Variants in ASXL3 observed in about 807,000 individuals in gnomAD.
ASXL3 encodes the protein putative Polycomb group protein ASXL3.
A neutral mutation model predicts 170.6 loss-of-function variants in ASXL3; 34 were observed. The observed-to-expected ratio is 0.20, with a 90% CI of 0.15 to 0.27. The LOEUF is 0.27. ASXL3 is among the 10% of genes least tolerant of loss of function. The pLI is 1.00. For synonymous variants in ASXL3, 1,002 were observed against 989.1 expected (o/e 1.01, Z -0.24); for missense variants, 2,592 against 2,695.3 (o/e 0.96, Z 0.85).
chr18:33,639,910 A>G (rs1011300646), intron 2 of ASXL3, among the ~76,000 whole-genome samples: 1 of 152,138 alleles, frequency 6.6e-6, no homozygotes, highest in Non-Finnish European at 1.5e-5. Flanking sequence ...TTTGATAAAT[A>G]TTTTTTGTCT....
chr18:33,586,355 C>G (rs901942496), intron 1 of ASXL3, among the ~76,000 whole-genome samples: 7 of 151,956 alleles, frequency 4.6e-5, no homozygotes, highest in Admixed American at 4.6e-4. Context: ...AATGTGCACA[C>G]AACAAATAAA....
intron 1 of ASXL3, among the ~76,000 whole-genome samples, chr18:33,588,233 A>G (rs2065050054): frequency 6.6e-6 from 1 of 152,150 alleles, no homozygotes; most frequent in Non-Finnish European, 1.5e-5. Context: ...ATACAAGAAC[A>G]ATGGGGAAAG....
At chr18:33,661,780 A>T in intron 5 of ASXL3, 43 bp downstream of exon 5, 5 of 1,584,690 alleles carry the variant, frequency 3.2e-6, no homozygotes, top group Non-Finnish European at 4.3e-6. Flanking sequence ...AGTTCTGCAT[A>T]CTTAAGGTAA....
At chr18:33,697,033 A>G (rs1410427934) in intron 8 of ASXL3, among the ~76,000 whole-genome samples, 1 of 152,118 alleles carries the variant, frequency 6.6e-6, no homozygotes, top group Non-Finnish European at 1.5e-5. Context: ...AACCATCTCA[A>G]TATCTATGAC....
At chr18:33,736,994 C>T (rs2067559631) in intron 10 of ASXL3, among the ~76,000 whole-genome samples, 1 of 152,128 alleles carries the variant, frequency 6.6e-6, no homozygotes, top group East Asian at 1.9e-4. Flanking sequence ...CATACTTATT[C>T]TAGTATCAGT....
In ASXL3 at chr18:33,738,575, G is replaced by C; in HGVS notation, c.1171G>C (p.Gly391Arg). The C allele has an allele frequency of 1.2e-6, 2 of 1,613,824 alleles. No individual in the cohort carries two copies. The highest frequency in any genetic ancestry group is 1.7e-6 in the Non-Finnish European group (2 of 1,179,836). Residue 391 changes from glycine (G) to arginine (R), a missense_variant, in exon 11 of 12, where the codon GGC becomes CGC. This residue lies in a region of ASXL3 where 2,246 missense variants were observed against 2,219.6 expected (regional missense o/e 1.01). Coordinates refer to ENST00000269197, the MANE Select transcript of ASXL3 (RefSeq NM_030632.3). Reference protein sequence around the residue: ...AQSSSSCGTSGLPVSAQTALA... With the variant: ...AQSSSSCGTSRLPVSAQTALA... Reference sequence around the variant, plus strand: ...AAGTAGTTCTTCATGTGGGACTTCTGGCCTTCCAGTTTCTGCACAGACAGC... The same window carrying C: ...AAGTAGTTCTTCATGTGGGACTTCTCGCCTTCCAGTTTCTGCACAGACAGC...
Position 33,661,600 on chromosome 18 carries a change from C to A in ASXL3, c.356-16C>A, listed in dbSNP as rs987142777. The A allele has an allele frequency of 3.1e-6, 5 of 1,597,464 alleles. No homozygotes were observed. Among genetic ancestry groups the A allele is most frequent in the Non-Finnish European group, 2.6e-6 (3 of 1,170,768 alleles). On this transcript the variant is annotated splice_polypyrimidine_tract_variant and intron_variant, in intron 4 of 11. Transcript: ENST00000269197. The stretch of plus-strand genomic sequence containing the variant: ...GAATTCAAATTAGTAATATCATTAT[C>A]TCTCTCTGTTTCTAGTTTGTTCGAA...
chr18:33,659,041 C>G (rs1353043971), intron 4 of ASXL3, among the ~76,000 whole-genome samples: 2 of 152,042 alleles, frequency 1.3e-5, no homozygotes, highest in Non-Finnish European at 2.9e-5. Flanking sequence ...TATGCTGATA[C>G]TGAAATAGGT....
intron 8 of ASXL3, among the ~76,000 whole-genome samples, chr18:33,686,383 A>G (rs767933227): frequency 1.6e-4 from 25 of 152,362 alleles, no homozygotes; most frequent in Admixed American, 3.9e-4. Flanking sequence ...AGTTTAGTAT[A>G]AAACCAGTTA....
chr18:33,607,201 TTCAG>T (rs1410283419), intron 1 of ASXL3, among the ~76,000 whole-genome samples: 21 of 152,008 alleles, frequency 1.4e-4, no homozygotes, highest in Non-Finnish European at 3.1e-4. Context: ...ATTGGTAGTA[TTCAG>T]GCTCCATGTT....
chr18:33,708,037 T>C (rs2066991914), intron 8 of ASXL3, among the ~76,000 whole-genome samples: 1 of 152,194 alleles, frequency 6.6e-6, no homozygotes, highest in Non-Finnish European at 1.5e-5. Flanking sequence ...TATTTTGTTG[T>C]AAATTTTTAC....
intron 2 of ASXL3, among the ~76,000 whole-genome samples, chr18:33,610,303 C>G (rs1394156654): frequency 6.6e-6 from 1 of 151,926 alleles, no homozygotes; most frequent in Non-Finnish European, 1.5e-5. Context: ...TTAAGAAATG[C>G]ACATTGGTAA....
intron 4 of ASXL3, among the ~76,000 whole-genome samples, chr18:33,652,969 G>C (rs991061874): frequency 2.6e-5 from 4 of 152,020 alleles, no homozygotes; most frequent in Admixed American, 2.6e-4. Context: ...GGACACCCTG[G>C]GGAGTAGTCA....
In ASXL3 at chr18:33,746,060, A is replaced by G. The variant is rs763285555; in HGVS notation, c.6212A>G (p.Gln2071Arg). The G allele has an allele frequency of 3.5e-5, 57 of 1,613,136 alleles. 2 individuals carry two copies. In the East Asian group the frequency reaches 1.2e-3, roughly 35 times the overall value. Reference sequence around the variant, plus strand: ...ACCACTAAGAGACTTAGTTGGCCACAGTCCACGGGCATATGTAGCAATATA... The same window carrying G: ...ACCACTAAGAGACTTAGTTGGCCACGGTCCACGGGCATATGTAGCAATATA... ...METTKRLSWP[Q>R]STGICSNIKS... The change falls in exon 12 of 12, where the codon CAG (glutamine) becomes CGG (arginine). Residue 2071 changes from glutamine to arginine, a missense_variant. Coordinates refer to ENST00000269197, the MANE Select transcript of ASXL3 (RefSeq NM_030632.3).
At chr18:33,582,748 G>T in intron 1 of ASXL3, among the ~76,000 whole-genome samples, 2 of 143,102 alleles carry the variant, frequency 1.4e-5, no homozygotes, top group Non-Finnish European at 1.5e-5. Context: ...GTGTTTTCTT[G>T]GTAGTTCAAG....
chr18:33,681,723 A>T (rs991663234), intron 7 of ASXL3, among the ~76,000 whole-genome samples: 11 of 151,762 alleles, frequency 7.2e-5, no homozygotes, highest in African/African-American at 2.7e-4. Context: ...TCTGAAAAAT[A>T]TTTCAGTCAT....
chr18:33,594,591 T>C (rs892370144), intron 1 of ASXL3, among the ~76,000 whole-genome samples: 2 of 152,152 alleles, frequency 1.3e-5, no homozygotes, highest in Non-Finnish European at 2.9e-5. Flanking sequence ...CTTATAAATA[T>C]ACCTTAATTC....
At position 33,743,188 on chromosome 18, in the gene ASXL3, C is replaced by T; in HGVS notation, c.3340C>T (p.His1114Tyr). 6.2e-7 allele frequency: 1 copy of T among 1,613,940 alleles called. No individual in the cohort carries two copies. Among genetic ancestry groups the T allele is most frequent in the Admixed American group, 1.7e-5 (1 of 60,026 alleles). ...EQTKAKLFAK[H>Y]QARAHLFQTS... ...GACAAAGGCTAAGCTCTTTGCAAAGCATCAAGCTCGAGCCCATCTCTTCCA... is the reference window on the plus strand; with the variant it reads ...GACAAAGGCTAAGCTCTTTGCAAAGTATCAAGCTCGAGCCCATCTCTTCCA... The change falls in exon 12 of 12, where the codon CAT (histidine) becomes TAT (tyrosine). Residue 1114 changes from histidine (H) to tyrosine (Y), a missense_variant. Around this residue, in one of 4 missense-constraint regions of ASXL3, gnomAD observed 2,246 missense variants for 2,219.6 expected, o/e 1.01. Transcript: ENST00000269197.
chr18:33,601,745 G>A lies in ASXL3; in HGVS notation c.55-5849G>A, dbSNP rs74689137. 3.6e-3 allele frequency among the ~76,000 whole-genome samples: 458 copies of A among 127,382 alleles called. 3 individuals carry two copies. The highest frequency in any genetic ancestry group is 0.012 in the African/African-American group (414 of 33,798). 83.6% of individuals were successfully genotyped at this position (127,382 alleles called of 152,430 possible). A position where few individuals can be genotyped will look rare whatever the true frequency, so the allele number is the denominator to read the frequency against. ...AGGTCCTATACCAAGGGAATGTATA[G>A]TTTAAACCATTATCTGAGAATTTAA... is the stretch of plus-strand genomic sequence containing the variant. On this transcript the variant is annotated intron_variant, in intron 1 of 11. Coordinates refer to ENST00000269197, the MANE Select transcript of ASXL3 (RefSeq NM_030632.3).
Sources: allele counts gnomAD v4.1 joint callset (sites outside exome capture counted in the v4.1 genomes callset), GRCh38; gene constraint gnomAD v4.1.1; regional missense constraint gnomAD v4.1.1; transcripts MANE v1.5; gene names NCBI Gene and HGNC (gene_info 2026-07-23, HGNC 2026-07-21).